Variants in C4orf51 observed in about 807,000 individuals in gnomAD.
C4orf51 encodes uncharacterized protein C4orf51.
Under a neutral mutation model 25.2 loss-of-function variants are expected in C4orf51, and 25 were observed. That is an observed-to-expected ratio of 0.99 (90% confidence interval 0.72 to 1.39). C4orf51 has a LOEUF of 1.39. Among genes scored for constraint, C4orf51 ranks in the 40% most tolerant of loss-of-function variants. The pLI is 0.00. For synonymous variants in C4orf51, 100 were observed against 84.5 expected (o/e 1.18, Z -1.01); for missense variants, 252 against 239.6 (o/e 1.05, Z -0.34).
At chr4:145,778,405 A>T in the C4orf51 span, among the ~76,000 whole-genome samples, 1 of 152,210 alleles carries the variant, frequency 6.6e-6, no homozygotes, top group Non-Finnish European at 1.5e-5. Context: ...AAGTGTTGGG[A>T]TTATAGGCGT....
chr4:145,710,133 C>T (rs990343160), intron 2 of C4orf51, among the ~76,000 whole-genome samples: 1 of 152,174 alleles, frequency 6.6e-6, no homozygotes, highest in Admixed American at 6.5e-5. Context: ...GTCATGGCAC[C>T]AAAGTATGTT....
chr4:145,791,280 C>G, the C4orf51 span, among the ~76,000 whole-genome samples: 165 of 152,276 alleles, frequency 1.1e-3, 1 homozygote, highest in East Asian at 0.027. Flanking sequence ...GGCAAGGGGT[C>G]TTTTATAAGG....
chr4:145,760,348 A>C (rs1019616756), intron 1 of C4orf51: 1 of 152,354 alleles, frequency 6.6e-6, no homozygotes, highest in African/African-American at 2.4e-5. Flanking sequence ...CAGAATCCAC[A>C]AACGCCCACA....
At chr4:145,693,044 A>AT (rs1729717696) in intron 1 of C4orf51, among the ~76,000 whole-genome samples, 1 of 82,720 alleles carries the variant, frequency 1.2e-5, no homozygotes. Flanking sequence ...TATTAAATTT[A>AT]TTTTTTTATT....
At chr4:145,748,388 T>G (rs892948701) in intron 1 of C4orf51, among the ~76,000 whole-genome samples, 1 of 152,140 alleles carries the variant, frequency 6.6e-6, no homozygotes, top group African/African-American at 2.4e-5. Flanking sequence ...TTCAATTTCA[T>G]GTATTTCTGC....
chr4:145,694,809 A>G (rs894893079), intron 1 of C4orf51, among the ~76,000 whole-genome samples: 6 of 152,010 alleles, frequency 3.9e-5, no homozygotes, highest in Non-Finnish European at 8.8e-5. Context: ...TCCCATTCAT[A>G]GCACTTATCT....
At position 145,721,817 on chromosome 4, in the gene C4orf51, T is replaced by C. The variant is rs995426119; in HGVS notation, c.308-5094T>C. On this transcript the variant is annotated intron_variant, in intron 2 of 5. Coordinates refer to ENST00000438731, the MANE Select transcript of C4orf51 (RefSeq NM_001080531.3). ...AAAGATAGAGATATGGTGGACACCA[T>C]AGTGATTTTAGTAGACTTATATGAA... Among the ~76,000 whole-genome samples, 4 of 152,216 alleles carry C rather than the reference T, an allele frequency of 2.6e-5. No homozygotes were observed. The East Asian group carries it at 5.8e-4, about 22-fold the overall frequency.
intron 5 of C4orf51, among the ~76,000 whole-genome samples, chr4:145,730,852 A>T (rs1295272071): frequency 2.6e-5 from 4 of 152,228 alleles, no homozygotes; most frequent in Non-Finnish European, 5.9e-5. Context: ...CATTTCGCTA[A>T]TGGGAGAGGG....
At chr4:145,734,982 G>A (rs1416919020), downstream of C4orf51, among the ~76,000 whole-genome samples, 3 of 152,246 alleles carry the variant, frequency 2.0e-5, no homozygotes, top group Non-Finnish European at 4.4e-5. Flanking sequence ...AGTTTGGAGG[G>A]GAAGAGAGCC....
At chr4:145,779,844 T>C in the C4orf51 span, among the ~76,000 whole-genome samples, 1 of 152,262 alleles carries the variant, frequency 6.6e-6, no homozygotes, top group South Asian at 2.1e-4. Context: ...ATGAGTTGCC[T>C]GAGTTGCATG....
Position 145,729,213 on chromosome 4 carries a change from A to G in C4orf51, c.411A>G (p.Pro137=). 6.2e-7 allele frequency: 1 copy of G among 1,606,140 alleles called. No individual in the cohort carries two copies. Among genetic ancestry groups the G allele is most frequent in the Non-Finnish European group, 8.5e-7 (1 of 1,174,208 alleles). ...WDFGDCFPTP[P]NYGKYCVRPK... ...TTGGTGATTGTTTTCCGACACCTCC[A>G]AATTATGGAAAATACTGTAAGTCCC... Residue 137 remains proline (P), a synonymous_variant, in exon 4 of 6, where the codon CCA becomes CCG. Coordinates refer to ENST00000438731, the MANE Select transcript of C4orf51 (RefSeq NM_001080531.3).
chr4:145,683,741 T>C (rs1560816206), intron 1 of C4orf51, among the ~76,000 whole-genome samples: 1 of 152,172 alleles, frequency 6.6e-6, no homozygotes, highest in African/African-American at 2.4e-5. Context: ...TCACAAAAAT[T>C]AACTCAAAAT....
At chr4:145,791,250 C>T in the C4orf51 span, among the ~76,000 whole-genome samples, 1 of 152,194 alleles carries the variant, frequency 6.6e-6, no homozygotes, top group Non-Finnish European at 1.5e-5. Context: ...TTTCTCACTC[C>T]ACCCTCACAT....
chr4:145,691,153 A>G (rs1729536204), intron 1 of C4orf51, among the ~76,000 whole-genome samples: 1 of 152,196 alleles, frequency 6.6e-6, no homozygotes. Flanking sequence ...GACACTTCTC[A>G]AGAGAAAACA....
downstream of C4orf51, among the ~76,000 whole-genome samples, chr4:145,733,104 GCTCCCTCGGTAGGC>G (rs1358913741): frequency 6.6e-6 from 1 of 152,032 alleles, no homozygotes; most frequent in East Asian, 1.9e-4. Flanking sequence ...TCCCGTCCCG[GCTCCCTCGGTAGGC>G]TGCCTGCGCC....
At chr4:145,727,477 C>T (rs1385077894) in intron 3 of C4orf51, among the ~76,000 whole-genome samples, 1 of 151,938 alleles carries the variant, frequency 6.6e-6, no homozygotes, top group Non-Finnish European at 1.5e-5. Flanking sequence ...TGCTTTTATC[C>T]CTCAATATTT....
chr4:145,690,391 G>C (rs1373669380), intron 1 of C4orf51, among the ~76,000 whole-genome samples: 1 of 151,844 alleles, frequency 6.6e-6, no homozygotes, highest in Non-Finnish European at 1.5e-5. Flanking sequence ...TGTAGTCCCA[G>C]CTACTCGGGA....
At chr4:145,776,514 T>A in the C4orf51 span, among the ~76,000 whole-genome samples, 1 of 150,610 alleles carries the variant, frequency 6.6e-6, no homozygotes, top group Non-Finnish European at 1.5e-5. Context: ...GATAACCTGC[T>A]TTTTTTTTCC....
At chr4:145,776,494 A>G in the C4orf51 span, among the ~76,000 whole-genome samples, 1 of 151,256 alleles carries the variant, frequency 6.6e-6, no homozygotes, top group Non-Finnish European at 1.5e-5. Context: ...GTCCCAGGGC[A>G]ACTAGAATAG....
Sources: allele counts gnomAD v4.1 joint callset (sites outside exome capture counted in the v4.1 genomes callset), GRCh38; gene constraint gnomAD v4.1.1; transcripts MANE v1.5; gene names NCBI Gene and HGNC (gene_info 2026-07-23, HGNC 2026-07-21).